MAF: variants seen among roughly 807,000 people sequenced by gnomAD.
MAF encodes the protein transcription factor Maf.
Under a neutral mutation model 22.0 loss-of-function variants are expected in MAF, and 10 were observed. The ratio of observed to expected loss-of-function variants is 0.45; its 90% CI spans 0.28 to 0.77. The LOEUF is 0.77. MAF is among the 30% of genes least tolerant of loss of function. The probability of loss-of-function intolerance (pLI) is 0.12; values close to 1 mark genes in which losing one functional copy is unlikely to be tolerated. For synonymous variants in MAF, 337 were observed against 255.8 expected, an observed-to-expected ratio of 1.32 and a Z score of -3.03; for missense variants, 544 against 548.4, an observed-to-expected ratio of 0.99 and a Z score of 0.08.
the MAF span, among the ~76,000 whole-genome samples, chr16:79,437,447 G>T: frequency 6.6e-6 from 1 of 152,082 alleles, no homozygotes; most frequent in Non-Finnish European, 1.5e-5. Context: ...TGCTTGAAAT[G>T]CTTCAAGAAT....
the MAF span, among the ~76,000 whole-genome samples, chr16:79,233,538 A>T: frequency 2.8e-3 from 419 of 152,214 alleles, 2 homozygotes; most frequent in African/African-American, 8.9e-3. Flanking sequence ...ATCACTGGCT[A>T]ATCATCAATG....
At chr16:79,227,746 A>T in the MAF span, among the ~76,000 whole-genome samples, 1 of 152,054 alleles carries the variant, frequency 6.6e-6, no homozygotes, top group Admixed American at 6.6e-5. Flanking sequence ...ATTGGAAAAC[A>T]AAATAATACA....
At chr16:79,551,577 C>T in the MAF span, among the ~76,000 whole-genome samples, 1 of 152,184 alleles carries the variant, frequency 6.6e-6, no homozygotes, top group African/African-American at 2.4e-5. Context: ...CTTCCTGAAG[C>T]TGTGCCTCCC....
chr16:79,515,913 T>C, the MAF span: 1 of 151,802 alleles, frequency 6.6e-6, no homozygotes, highest in South Asian at 2.1e-4. Context: ...TAGCCCCTCT[T>C]GCTAACCCAC....
chr16:79,356,031 A>T, the MAF span, among the ~76,000 whole-genome samples: 1 of 152,034 alleles, frequency 6.6e-6, no homozygotes, highest in African/African-American at 2.4e-5. Flanking sequence ...ACACATACAC[A>T]TTCATACACA....
chr16:79,333,753 T>G, the MAF span, among the ~76,000 whole-genome samples: 1 of 152,190 alleles, frequency 6.6e-6, no homozygotes, highest in Non-Finnish European at 1.5e-5. Flanking sequence ...ACACCTCACC[T>G]GGATCTGGTG....
the MAF span, among the ~76,000 whole-genome samples, chr16:79,506,924 C>T: frequency 6.6e-6 from 1 of 152,134 alleles, no homozygotes; most frequent in Non-Finnish European, 1.5e-5. Flanking sequence ...GAAATGCCAG[C>T]ACTGGACTTA....
At chr16:79,310,964 A>T in the MAF span, among the ~76,000 whole-genome samples, 1 of 151,556 alleles carries the variant, frequency 6.6e-6, no homozygotes, top group Non-Finnish European at 1.5e-5. Context: ...CCTTGGCTCC[A>T]CTGCTCCCAG....
the MAF span, among the ~76,000 whole-genome samples, chr16:79,560,334 T>C: frequency 1.9e-4 from 29 of 152,112 alleles, no homozygotes; most frequent in African/African-American, 6.7e-4. Context: ...ACAGGAAGCC[T>C]GTGTAAGCCT....
the MAF span, among the ~76,000 whole-genome samples, chr16:79,410,171 C>T: frequency 6.6e-6 from 1 of 152,220 alleles, no homozygotes; most frequent in East Asian, 1.9e-4. Context: ...ACCAATCCAG[C>T]CGTTCCGTAC....
At chr16:79,526,518 C>A in the MAF span, among the ~76,000 whole-genome samples, 1 of 152,142 alleles carries the variant, frequency 6.6e-6, no homozygotes, top group African/African-American at 2.4e-5. Flanking sequence ...GGGACCACTT[C>A]CCTAGACAAT....
chr16:79,494,093 A>G, the MAF span, among the ~76,000 whole-genome samples: 8 of 152,276 alleles, frequency 5.3e-5, no homozygotes, highest in East Asian at 1.4e-3. Flanking sequence ...AGGAATCCAG[A>G]GCTGTTGAAC....
chr16:79,336,470 G>T, the MAF span, among the ~76,000 whole-genome samples: 1 of 152,104 alleles, frequency 6.6e-6, no homozygotes, highest in African/African-American at 2.4e-5. Context: ...AGGGATGCTG[G>T]GAGGAAAACA....
chr16:79,363,646 T>C, the MAF span, among the ~76,000 whole-genome samples: 19 of 152,124 alleles, frequency 1.2e-4, no homozygotes, highest in Non-Finnish European at 2.1e-4. Flanking sequence ...GTAATTACAA[T>C]ACAACGAAAT....
the MAF span, among the ~76,000 whole-genome samples, chr16:79,342,359 G>A: frequency 6.6e-6 from 1 of 152,328 alleles, no homozygotes. Flanking sequence ...TGTTGCATAA[G>A]TAAAGACATC....
chr16:79,410,912 G>A, the MAF span, among the ~76,000 whole-genome samples: 10 of 152,146 alleles, frequency 6.6e-5, no homozygotes, highest in African/African-American at 2.4e-4. Flanking sequence ...GACAATGAAG[G>A]ACCTTACGTG....
the MAF span, among the ~76,000 whole-genome samples, chr16:79,237,820 A>T: frequency 6.6e-6 from 1 of 152,060 alleles, no homozygotes; most frequent in East Asian, 1.9e-4. Context: ...ATAATCCAAA[A>T]TATTTCTAGA....
At chr16:79,503,448 T>C in the MAF span, among the ~76,000 whole-genome samples, 3 of 152,232 alleles carry the variant, frequency 2.0e-5, no homozygotes, top group African/African-American at 7.2e-5. Flanking sequence ...TACATAAAAT[T>C]CTTTAGGACT....
chr16:79,408,102 C>T, the MAF span, among the ~76,000 whole-genome samples: 4 of 69,490 alleles, frequency 5.8e-5, no homozygotes, highest in Non-Finnish European at 8.6e-5. Flanking sequence ...AAAAAAAAAC[C>T]TAAAGGCGTG....
Sources: allele counts gnomAD v4.1 joint callset (sites outside exome capture counted in the v4.1 genomes callset), GRCh38; gene constraint gnomAD v4.1.1; transcripts MANE v1.5; gene names NCBI Gene and HGNC (gene_info 2026-07-23, HGNC 2026-07-21).